RBM34: variants seen among roughly 807,000 people sequenced by gnomAD.
The protein encoded by RBM34 is RNA-binding protein 34.
RBM34 carries 39 observed loss-of-function variants against 44.6 expected under a neutral mutation model. The observed-to-expected ratio is 0.87, with a 90% CI of 0.68 to 1.14. The LOEUF (loss-of-function observed/expected upper bound fraction) is 1.14. Among genes scored for constraint, RBM34 ranks in the 50% most tolerant of loss-of-function variants. The pLI is 0.00. For missense variants in RBM34, 572 were observed against 517.9 expected, an observed-to-expected ratio of 1.10 and a Z score of -1.01; for synonymous variants, 194 against 184.0, an observed-to-expected ratio of 1.05 and a Z score of -0.44.
chr1:235,139,006 G>A (rs921962876), intron 6 of RBM34, among the ~76,000 whole-genome samples: 1 of 152,162 alleles, frequency 6.6e-6, no homozygotes, highest in Non-Finnish European at 1.5e-5. Flanking sequence ...GCGACTGCTG[G>A]TGGGTGTTGT....
At chr1:235,149,665 CTT>C (rs147423868) in intron 5 of RBM34, among the ~76,000 whole-genome samples, 12 of 152,122 alleles carry the variant, frequency 7.9e-5, no homozygotes, top group African/African-American at 2.7e-4. Context: ...GTAGGGAAAA[CTT>C]TATGGAAGAG....
chr1:235,139,586 C>T (rs751102469), intron 6 of RBM34, among the ~76,000 whole-genome samples: 1 of 152,242 alleles, frequency 6.6e-6, no homozygotes, highest in African/African-American at 2.4e-5. Flanking sequence ...CCAAATCCAA[C>T]ACATCCTAGT....
At chr1:235,132,395 A>AC (rs1188900511) in intron 10 of RBM34, among the ~76,000 whole-genome samples, 1 of 151,644 alleles carries the variant, frequency 6.6e-6, no homozygotes, top group Non-Finnish European at 1.5e-5. Flanking sequence ...TGTGACCTCT[A>AC]CCTCCTGAGT....
In RBM34 at chr1:235,137,917, C is replaced by A. The variant is rs1275247779; in HGVS notation, c.809G>T (p.Gly270Val). 2 of 1,604,894 alleles carry A rather than the reference C, an allele frequency of 1.2e-6. No individual in the cohort carries two copies. Among genetic ancestry groups the A allele is most frequent in the South Asian group, 2.2e-5 (2 of 90,216 alleles). The stretch of plus-strand genomic sequence containing the variant: ...TGCGAGATCAACTCTAATACGAAAT[C>A]CATCTGCAATCTGGGCCCCATTTCT... ...LKRNGAQIADGFRIRVDLASE... is the reference protein window; with the variant it reads ...LKRNGAQIADVFRIRVDLASE... The change falls in exon 8 of 11, where the codon GGA becomes GTA. Residue 270 changes from glycine to valine, a missense_variant. Physicochemically the swap from Gly to Val is moderately radical, Grantham distance 109. Coordinates refer to ENST00000408888, the MANE Select transcript of RBM34 (RefSeq NM_015014.4).
chr1:235,152,803 C>A (rs185558237), intron 4 of RBM34, 38 bp from the exon 5 acceptor site: 18 of 1,470,562 alleles, frequency 1.2e-5, no homozygotes, highest in Non-Finnish European at 1.6e-5. Flanking sequence ...AGCTGACCTT[C>A]AGAACATCAA....
In RBM34 at chr1:235,152,705, C is replaced by A; in HGVS notation, c.657+1G>T. The A allele has an allele frequency of 1.3e-6, 2 of 1,599,284 alleles. No homozygotes were observed. Among genetic ancestry groups the A allele is most frequent in the South Asian group, 2.3e-5 (2 of 87,814 alleles). ...TAATTTTACGGGGGAATGAAACATA[C>A]CAGAGAACGAAATCGTACAGATTCT... On this transcript the variant is annotated splice_donor_variant, in intron 5 of 10. Transcript: ENST00000408888. LOFTEE classifies it high-confidence loss of function.
intron 5 of RBM34, among the ~76,000 whole-genome samples, chr1:235,151,365 T>G (rs66997416): frequency 6.6e-6 from 1 of 151,990 alleles, no homozygotes; most frequent in Non-Finnish European, 1.5e-5. Flanking sequence ...CCCACACTAA[T>G]GCATCAGCCA....
At chr1:235,152,176 T>C (rs1364024238) in intron 5 of RBM34, among the ~76,000 whole-genome samples, 5 of 152,142 alleles carry the variant, frequency 3.3e-5, no homozygotes, top group Admixed American at 6.5e-5. Context: ...AAACCAAATA[T>C]AAATGATACT....
chr1:235,154,405 AAC>A (rs1491461670), intron 4 of RBM34, among the ~76,000 whole-genome samples: 2 of 151,336 alleles, frequency 1.3e-5, no homozygotes, highest in Non-Finnish European at 2.9e-5. Flanking sequence ...CAAAAAAAAA[AAC>A]ACAAAAATTA....
intron 5 of RBM34, among the ~76,000 whole-genome samples, chr1:235,149,270 T>TC (rs1188205360): frequency 6.6e-6 from 1 of 150,944 alleles, no homozygotes; most frequent in Non-Finnish European, 1.5e-5. Context: ...GCGCCTGTAG[T>TC]CCCAGCTACT....
At chr1:235,138,199 G>C (rs1474199773) in intron 6 of RBM34, 25 bp from the exon 7 acceptor site, 3 of 1,500,484 alleles carry the variant, frequency 2.0e-6, no homozygotes, top group Non-Finnish European at 2.7e-6. Context: ...AAAAAAGAAA[G>C]AAAGAAAAGA....
chr1:235,160,401 A>T, intron 3 of RBM34, 110 bp downstream of exon 3: 1 of 1,389,884 alleles, frequency 7.2e-7, no homozygotes, highest in Non-Finnish European at 1.0e-6. Context: ...CCATAATAAA[A>T]GTTTTGAAAG....
chr1:235,158,235 T>C (rs2102865856), intron 3 of RBM34, among the ~76,000 whole-genome samples: 1 of 151,488 alleles, frequency 6.6e-6, no homozygotes, highest in African/African-American at 2.4e-5. Context: ...GCCAACATGG[T>C]GAAACCCCAT....
At chr1:235,148,573 CA>C (rs1662013277) in intron 5 of RBM34, 126 bp from the exon 6 acceptor site, 4 of 621,402 alleles carry the variant, frequency 6.4e-6, no homozygotes, top group African/African-American at 1.9e-5. Context: ...GGGAAATAAA[CA>C]AATCAGAAAC....
chr1:235,148,563 G>T, intron 5 of RBM34, 116 bp from the exon 6 acceptor site: 1 of 699,756 alleles, frequency 1.4e-6, no homozygotes, highest in Non-Finnish European at 2.1e-6. Flanking sequence ...AAACATTCTA[G>T]GGAAATAAAC....
chr1:235,143,663 G>A (rs1292781439), intron 6 of RBM34, among the ~76,000 whole-genome samples: 2 of 152,016 alleles, frequency 1.3e-5, no homozygotes, highest in South Asian at 2.1e-4. Context: ...ACTTGAACCC[G>A]GGAGGTAGAG....
At chr1:235,146,550 C>T (rs181098313) in intron 6 of RBM34, among the ~76,000 whole-genome samples, 12 of 152,244 alleles carry the variant, frequency 7.9e-5, no homozygotes, top group East Asian at 5.8e-4. Flanking sequence ...TAGAAGCTTA[C>T]ATAAGAAACT....
At chr1:235,142,633 A>G (rs1661735466) in intron 6 of RBM34, among the ~76,000 whole-genome samples, 1 of 151,988 alleles carries the variant, frequency 6.6e-6, no homozygotes, top group Admixed American at 6.5e-5. Flanking sequence ...TTCAATCTTT[A>G]AGAGACACCT....
intron 6 of RBM34, among the ~76,000 whole-genome samples, chr1:235,138,523 G>A (rs1661533167): frequency 6.6e-6 from 1 of 152,156 alleles, no homozygotes; most frequent in Non-Finnish European, 1.5e-5. Flanking sequence ...TGAAAGACGT[G>A]AGTTTTCCTC....
Sources: gnomAD v4.1 joint callset for allele counts (sites outside exome capture counted in the v4.1 genomes callset) on GRCh38, gnomAD v4.1.1 for gene constraint, MANE v1.5 for transcripts, NCBI Gene and HGNC (gene_info 2026-07-23, HGNC 2026-07-21) for gene names.